CEP128: variants seen among roughly 807,000 people sequenced by gnomAD.
The protein encoded by CEP128 is centrosomal protein 128kDa.
In CEP128, 132 loss-of-function variants were observed where a neutral mutation model predicts 156.7. That is an observed-to-expected ratio of 0.84 (90% confidence interval 0.73 to 0.97). CEP128 has a LOEUF of 0.97. CEP128 is among the 50% of genes least tolerant of loss of function. The probability of loss-of-function intolerance (pLI) is 0.00; values close to 1 mark genes in which losing one functional copy is unlikely to be tolerated. For missense variants in CEP128, 1,252 were observed against 1,281.9 expected (o/e 0.98, Z 0.36); for synonymous variants, 469 against 448.9 (o/e 1.04, Z -0.57).
chr14:80,772,426 C>G (rs554839241), intron 16 of CEP128, among the ~76,000 whole-genome samples: 30 of 152,234 alleles, frequency 2.0e-4, no homozygotes, highest in African/African-American at 3.4e-4. Flanking sequence ...CTCCATCCCC[C>G]CTCCAGCTCC....
intron 19 of CEP128, among the ~76,000 whole-genome samples, chr14:80,629,698 T>C (rs1372086706): frequency 6.6e-6 from 1 of 151,990 alleles, no homozygotes; most frequent in Non-Finnish European, 1.5e-5. Flanking sequence ...CTATGTGGTT[T>C]TTATTGTTTG....
chr14:80,540,044 G>C (rs546669832), intron 21 of CEP128, among the ~76,000 whole-genome samples: 1 of 152,110 alleles, frequency 6.6e-6, no homozygotes, highest in Non-Finnish European at 1.5e-5. Context: ...TACATGCACC[G>C]TGCACCGCTG....
At position 80,840,776 on chromosome 14, in the gene CEP128, G is replaced by A; in HGVS notation, c.763-8C>T. The stretch of plus-strand genomic sequence containing the variant: ...TTCTTGTTTCTTTAGTGCCTGGAAT[G>A]AAAGAGGTGGAAAAAAATTATCCCA... On this transcript the variant is annotated splice_polypyrimidine_tract_variant and splice_region_variant and intron_variant, in intron 9 of 24. Coordinates refer to ENST00000555265, the MANE Select transcript of CEP128 (RefSeq NM_152446.5). 3.2e-6 allele frequency: 5 copies of A among 1,554,946 alleles called. No homozygotes were observed. Among genetic ancestry groups the A allele is most frequent in the Non-Finnish European group, 4.4e-6 (5 of 1,131,086 alleles).
At chr14:80,509,480 AATT>A (rs2140209831) in intron 23 of CEP128, among the ~76,000 whole-genome samples, 1 of 152,266 alleles carries the variant, frequency 6.6e-6, no homozygotes, top group African/African-American at 2.4e-5. Flanking sequence ...TTTAAAATCA[AATT>A]ATTAGATTTT....
chr14:80,699,609 C>T (rs1047483361), intron 19 of CEP128, among the ~76,000 whole-genome samples: 3 of 151,898 alleles, frequency 2.0e-5, no homozygotes, highest in Non-Finnish European at 4.4e-5. Context: ...AGAACCACAC[C>T]TAGCACCTTA....
rs377228026 is a variant in CEP128, at chr14:80,563,777, C to T, written c.2857-4475G>A. ...GTCTTGATCTCCTGACCTCGTGATC[C>T]GCCTGCCTCGGCCTCCCAAAGTGCT... is the stretch of plus-strand genomic sequence containing the variant. On this transcript the variant is annotated intron_variant, in intron 20 of 24. Transcript: ENST00000555265. 1.6e-4 allele frequency among the ~76,000 whole-genome samples: 25 copies of T among 152,038 alleles called. No individual in the cohort carries two copies. In the East Asian group the frequency reaches 4.6e-3, roughly 28 times the overall value.
chr14:80,655,773 T>A (rs936803292), intron 19 of CEP128, among the ~76,000 whole-genome samples: 2 of 152,146 alleles, frequency 1.3e-5, no homozygotes, highest in African/African-American at 4.8e-5. Flanking sequence ...TTGGGAGGAA[T>A]CTGTCTGAGG....
chr14:80,831,322 G>C (rs774029844), intron 12 of CEP128, 28 bp from the exon 13 acceptor site: 7 of 1,610,068 alleles, frequency 4.3e-6, no homozygotes, highest in African/African-American at 2.7e-5. Flanking sequence ...AAGGCTCAAG[G>C]GTTGTTCTTT....
chr14:80,496,411 C>T (rs183382811), downstream of CEP128: 6 of 152,608 alleles, frequency 3.9e-5, no homozygotes, highest in South Asian at 2.1e-4. Context: ...ATACCTTGAG[C>T]GGAAGCATCT....
intron 23 of CEP128, chr14:80,514,748 C>T (rs1888409567): frequency 3.3e-6 from 1 of 303,920 alleles, no homozygotes. Flanking sequence ...CTGGTGAGGG[C>T]ATATTTTCAT....
At chr14:80,688,593 AT>A (rs1387354178) in intron 19 of CEP128, among the ~76,000 whole-genome samples, 2 of 152,194 alleles carry the variant, frequency 1.3e-5, no homozygotes, top group Non-Finnish European at 2.9e-5. Context: ...ATTTTCCCCA[AT>A]TGTTTTAACA....
chr14:80,613,007 A>ATTTTTTTT (rs66946967), intron 19 of CEP128, among the ~76,000 whole-genome samples: 7 of 114,692 alleles, frequency 6.1e-5, no homozygotes, highest in African/African-American at 9.7e-5. Flanking sequence ...CACCCGGCGA[A>ATTTTTTTT]TTTTTTTTTT....
intron 19 of CEP128, among the ~76,000 whole-genome samples, chr14:80,605,661 T>C (rs1310601252): frequency 6.6e-6 from 1 of 152,100 alleles, no homozygotes; most frequent in African/African-American, 2.4e-5. Context: ...AATATTTTCA[T>C]TTGTCAGATC....
At chr14:80,942,001 G>C (rs1049574339), upstream of CEP128, among the ~76,000 whole-genome samples, 1 of 151,890 alleles carries the variant, frequency 6.6e-6, no homozygotes, top group African/African-American at 2.4e-5. Flanking sequence ...GCAAACTCCA[G>C]TTAGAAAGTG....
At chr14:80,795,220 T>G (rs1435697305) in intron 13 of CEP128, among the ~76,000 whole-genome samples, 1 of 152,178 alleles carries the variant, frequency 6.6e-6, no homozygotes, top group African/African-American at 2.4e-5. Context: ...TGGTTTTATC[T>G]TGGTGTTTTT....
In CEP128 at chr14:80,821,032, T is replaced by G. The variant is rs192679273; in HGVS notation, c.1209+10111A>C. 1.6e-3 allele frequency among the ~76,000 whole-genome samples: 245 copies of G among 152,342 alleles called. 1 individual carries two copies. The highest frequency in any genetic ancestry group is 5.7e-3 in the African/African-American group (236 of 41,594). ...CATTGTTTATATTAGTCATATGTTA[T>G]GTATTAGGAACTAAAAGAATGTTTT... On this transcript the variant is annotated intron_variant, in intron 13 of 24. Transcript: ENST00000555265.
At chr14:80,836,436 C>T in intron 11 of CEP128, 99 bp from the exon 12 acceptor site, 1 of 1,315,438 alleles carries the variant, frequency 7.6e-7, no homozygotes. Context: ...AGGTTAATCT[C>T]CTTCCAAGCA....
chr14:80,508,583 T>C (rs186647528), intron 23 of CEP128, among the ~76,000 whole-genome samples: 11 of 152,176 alleles, frequency 7.2e-5, no homozygotes, highest in Admixed American at 2.6e-4. Flanking sequence ...AAATAATCAT[T>C]TGATAAACAT....
At chr14:80,722,194 G>C (rs1427809227) in intron 19 of CEP128, among the ~76,000 whole-genome samples, 1 of 152,100 alleles carries the variant, frequency 6.6e-6, no homozygotes, top group Non-Finnish European at 1.5e-5. Context: ...CAGTGTGTGG[G>C]GGTGGCCTGA....
Sources: allele counts gnomAD v4.1 joint callset (sites outside exome capture counted in the v4.1 genomes callset), GRCh38; gene constraint gnomAD v4.1.1; transcripts MANE v1.5; gene names NCBI Gene and HGNC (gene_info 2026-07-23, HGNC 2026-07-21).